Variants in RAB23 observed in about 807,000 individuals in gnomAD.
RAB23 encodes RAB23, member RAS oncogene family.
Under a neutral mutation model 30.0 loss-of-function variants are expected in RAB23, and 15 were observed. The observed-to-expected ratio is 0.50, with a 90% CI of 0.33 to 0.77. RAB23 has a LOEUF of 0.77. Among genes scored for constraint, RAB23 ranks in the 30% least tolerant of loss-of-function variants. RAB23 has a pLI of 0.02. For missense variants in RAB23, 243 were observed against 275.4 expected (o/e 0.88, Z 0.83); for synonymous variants, 93 against 94.0 (o/e 0.99, Z 0.06).
At chr6:57,200,870 A>G (rs1308748225) in intron 3 of RAB23, among the ~76,000 whole-genome samples, 1 of 152,194 alleles carries the variant, frequency 6.6e-6, no homozygotes, top group Non-Finnish European at 1.5e-5. Context: ...CAAAGAATGC[A>G]CATGAATTTC....
At chr6:57,194,627 G>A in intron 5 of RAB23, 143 bp downstream of exon 5, 1 of 625,958 alleles carries the variant, frequency 1.6e-6, no homozygotes, top group African/African-American at 1.9e-5. Context: ...ACAAAAAGAA[G>A]TAGAAAGCCT....
intron 3 of RAB23, among the ~76,000 whole-genome samples, chr6:57,202,553 T>C (rs976612678): frequency 3.9e-5 from 6 of 152,208 alleles, no homozygotes; most frequent in Admixed American, 2.6e-4. Context: ...TCATTGCTCC[T>C]GGTGATAATC....
At chr6:57,217,870 G>A (rs1765907893) in intron 1 of RAB23, among the ~76,000 whole-genome samples, 1 of 152,006 alleles carries the variant, frequency 6.6e-6, no homozygotes, top group Non-Finnish European at 1.5e-5. Context: ...AAAGAGAGAG[G>A]ATACAAATAC....
chr6:57,210,357 G>A lies in RAB23; in HGVS notation c.24C>T (p.Val8=), dbSNP rs752991124. The A allele has an allele frequency of 1.8e-5, 29 of 1,613,902 alleles. No individual in the cohort carries two copies. Among genetic ancestry groups the A allele is most frequent in the East Asian group, 2.2e-5 (1 of 44,888 alleles). MLEEDME[V]AIKMVVVGNG... ...TCCCTACAACCACCATCTTTATGGC[G>A]ACTTCCATATCTTCCTCCAACATTT... The change falls in exon 2 of 7, where the codon GTC becomes GTT. Residue 8 remains valine, a synonymous_variant. Transcript: ENST00000468148.
intron 2 of RAB23, 107 bp downstream of exon 2, chr6:57,210,119 A>T: frequency 8.3e-7 from 1 of 1,202,284 alleles, no homozygotes; most frequent in Non-Finnish European, 1.2e-6. Flanking sequence ...CATTGCCACT[A>T]GTTGCCACAC....
chr6:57,212,946 C>G (rs554910071), intron 1 of RAB23, among the ~76,000 whole-genome samples: 1 of 151,832 alleles, frequency 6.6e-6, no homozygotes, highest in Non-Finnish European at 1.5e-5. Context: ...TCTGAGTATA[C>G]GATCAGATGG....
chr6:57,208,796 A>G (rs1765541072), intron 2 of RAB23, among the ~76,000 whole-genome samples: 1 of 152,132 alleles, frequency 6.6e-6, no homozygotes, highest in Non-Finnish European at 1.5e-5. Context: ...CACTGCTCCT[A>G]AGGGAAACAT....
At chr6:57,217,628 C>T (rs963133630) in intron 1 of RAB23, among the ~76,000 whole-genome samples, 4 of 151,952 alleles carry the variant, frequency 2.6e-5, no homozygotes, top group East Asian at 1.9e-4. Context: ...AAATTTAGAG[C>T]GCTAAATGCT....
At chr6:57,209,551 G>T (rs1230465976) in intron 2 of RAB23, among the ~76,000 whole-genome samples, 2 of 151,914 alleles carry the variant, frequency 1.3e-5, no homozygotes, top group Non-Finnish European at 2.9e-5. Flanking sequence ...GTTAAAGTTG[G>T]GCCAGTAACC....
chr6:57,194,921 T>TTA, intron 4 of RAB23, 69 bp from the exon 5 acceptor site: 1 of 1,142,528 alleles, frequency 8.8e-7, no homozygotes. Context: ...TAAATCACTT[T>TTA]TAATTACATT....
At position 57,220,442 on chromosome 6, in the gene RAB23, T is replaced by A. The variant is rs368474604; in HGVS notation, c.-66+1284A>T. ...ATGAAAACATGTCCATGCAAAAACCTGTACATGGTATTTATAGCAGATTGA... is the reference window on the plus strand; with the variant it reads ...ATGAAAACATGTCCATGCAAAAACCAGTACATGGTATTTATAGCAGATTGA... On this transcript the variant is annotated intron_variant, in intron 1 of 6. Transcript: ENST00000468148. 6.6e-5 allele frequency among the ~76,000 whole-genome samples: 10 copies of A among 152,304 alleles called. No individual in the cohort carries two copies. In the South Asian group the frequency reaches 2.1e-3, roughly 32 times the overall value.
At position 57,190,100 on chromosome 6, in the gene RAB23, A is replaced by C. The variant is rs1277236091; in HGVS notation, c.*361T>G. On this transcript the variant is annotated 3_prime_UTR_variant, in exon 7 of 7. Coordinates refer to ENST00000468148, the MANE Select transcript of RAB23 (RefSeq NM_016277.5). The stretch of plus-strand genomic sequence containing the variant: ...CAATTTCAGGAAAAGAATGCTTGCT[A>C]TCTTTCCTTGATCCACAGTATTAAA... 1 of 218,756 alleles carries C rather than the reference A, an allele frequency of 4.6e-6. No homozygotes were observed. The highest frequency in any genetic ancestry group is 2.3e-5 in the African/African-American group (1 of 42,906). The allele number at this position is 218,756 out of a possible 1,614,324, so 13.6% of individuals were successfully genotyped here.
At chr6:57,204,957 T>A (rs1163502822) in intron 3 of RAB23, among the ~76,000 whole-genome samples, 2 of 151,828 alleles carry the variant, frequency 1.3e-5, no homozygotes, top group Non-Finnish European at 2.9e-5. Flanking sequence ...TATAGATATA[T>A]GTGTATATAC....
intron 3 of RAB23, among the ~76,000 whole-genome samples, chr6:57,200,536 C>CAAAA (rs989178921): frequency 1.2e-4 from 5 of 42,570 alleles, no homozygotes; most frequent in Non-Finnish European, 2.5e-4. Context: ...GACTCTGTCT[C>CAAAA]AAAAAAAAAA....
At position 57,188,767 on chromosome 6, in the gene RAB23, T is replaced by C. The variant is rs1183901688; in HGVS notation, c.*1694A>G. On this transcript the variant is annotated 3_prime_UTR_variant, in exon 7 of 7. Transcript: ENST00000468148. ...TAGATAATGCCAGATCATTTCAATATAATGAAAAGCAAAAATTTACTTTTT... is the reference window on the plus strand; with the variant it reads ...TAGATAATGCCAGATCATTTCAATACAATGAAAAGCAAAAATTTACTTTTT... 1 of 152,186 alleles carries C rather than the reference T, an allele frequency of 6.6e-6. No individual in the cohort carries two copies. The highest frequency in any genetic ancestry group is 1.9e-4 in the East Asian group (1 of 5,200). 9.4% of individuals were successfully genotyped at this position (152,186 alleles called of 1,614,324 possible).
intron 3 of RAB23, among the ~76,000 whole-genome samples, chr6:57,199,956 G>C (rs1004115183): frequency 7.2e-5 from 11 of 152,112 alleles, no homozygotes; most frequent in African/African-American, 2.6e-4. Flanking sequence ...GTTCTTTTAT[G>C]TTTGGAAAAA....
intron 3 of RAB23, among the ~76,000 whole-genome samples, chr6:57,197,081 A>G (rs1370454164): frequency 6.6e-6 from 1 of 152,140 alleles, no homozygotes; most frequent in Non-Finnish European, 1.5e-5. Flanking sequence ...AATTTCTTTC[A>G]GCGCAGATTT....
At chr6:57,210,169 A>C (rs1765599461) in intron 2 of RAB23, 57 bp downstream of exon 2, 8 of 1,546,152 alleles carry the variant, frequency 5.2e-6, no homozygotes, top group Non-Finnish European at 7.1e-6. Flanking sequence ...TACTCCAATG[A>C]GTCTTGGATA....
chr6:57,203,011 T>TTTG (rs1479185365), intron 3 of RAB23, among the ~76,000 whole-genome samples: 6 of 141,354 alleles, frequency 4.2e-5, no homozygotes, highest in African/African-American at 1.6e-4. Context: ...TTTTTTTTTT[T>TTTG]TTTTTTTTTT....
Sources: allele counts gnomAD v4.1 joint callset (sites outside exome capture counted in the v4.1 genomes callset), GRCh38; gene constraint gnomAD v4.1.1; transcripts MANE v1.5; gene names NCBI Gene and HGNC (gene_info 2026-07-23, HGNC 2026-07-21).